The following SH3BGRL2 variants were observed in gnomAD, a reference collection of about 807,000 sequenced individuals.
The protein encoded by SH3BGRL2 is SH3 domain-binding glutamic acid-rich-like protein 2.
SH3BGRL2 carries 21 observed loss-of-function variants against 14.8 expected under a neutral mutation model. The observed-to-expected ratio is 1.42, with a 90% CI of 1.01 to 2.05. The LOEUF (loss-of-function observed/expected upper bound fraction) is 2.05. Among genes scored for constraint, SH3BGRL2 ranks in the 30% most tolerant of loss-of-function variants. SH3BGRL2 has a pLI of 0.00. For synonymous variants in SH3BGRL2, 50 were observed against 47.8 expected (o/e 1.05, Z -0.19); for missense variants, 147 against 130.8 (o/e 1.12, Z -0.61).
rs1770478536 is a variant in SH3BGRL2 at position 79,702,361 on chromosome 6, T to C, written c.*2852T>C. On this transcript the variant is annotated 3_prime_UTR_variant, in exon 4 of 4. Coordinates refer to ENST00000369838, the MANE Select transcript of SH3BGRL2 (RefSeq NM_031469.4). ...GCTTTTTCTAGAGATACTTTTCATT[T>C]AACAGCTTTTGTTAAGTGTCAGGCT... The C allele has an allele frequency of 6.6e-6, 1 of 152,660 alleles. No individual in the cohort carries two copies. The highest frequency in any genetic ancestry group is 2.1e-4 in the South Asian group (1 of 4,836). The allele number at this position is 152,660 out of a possible 1,614,324, so 9.5% of individuals were successfully genotyped here.
At chr6:79,638,708 A>AT (rs983903753) in intron 1 of SH3BGRL2, among the ~76,000 whole-genome samples, 5 of 151,976 alleles carry the variant, frequency 3.3e-5, no homozygotes, top group South Asian at 4.2e-4. Flanking sequence ...GATGTTAAGA[A>AT]TTTTTTTTAT....
At chr6:79,605,362 A>C in the SH3BGRL2 span, among the ~76,000 whole-genome samples, 1 of 152,174 alleles carries the variant, frequency 6.6e-6, no homozygotes. Flanking sequence ...AATTGTGAGG[A>C]AAAAAAATTA....
At chr6:79,624,196 T>A in the SH3BGRL2 span, among the ~76,000 whole-genome samples, 6 of 151,662 alleles carry the variant, frequency 4.0e-5, no homozygotes, top group Non-Finnish European at 7.4e-5. Flanking sequence ...GAATCTTTAT[T>A]TTATTATAGT....
chr6:79,675,917 T>G (rs1769872601), intron 2 of SH3BGRL2, among the ~76,000 whole-genome samples: 2 of 152,178 alleles, frequency 1.3e-5, no homozygotes, highest in African/African-American at 2.4e-5. Context: ...TGTATGTTCA[T>G]CCTCGTCTTT....
At position 79,699,716 on chromosome 6, in the gene SH3BGRL2, T is replaced by TC; in HGVS notation, c.*208dup. The TC allele has an allele frequency of 1.6e-6, 1 of 624,036 alleles. No homozygotes were observed. Among genetic ancestry groups the TC allele is most frequent in the Non-Finnish European group, 2.4e-6 (1 of 409,516 alleles). 38.7% of individuals were successfully genotyped at this position (624,036 alleles called of 1,614,324 possible). A position where few individuals can be genotyped will look rare whatever the true frequency, so the allele number is the denominator to read the frequency against. ...CAAATCAGGTGGTGGATTTTTTTTT[T>TC]CTTATTCTATTTGCCTGCAGTTGCC... On this transcript the variant is annotated 3_prime_UTR_variant, in exon 4 of 4. Coordinates refer to ENST00000369838, the MANE Select transcript of SH3BGRL2 (RefSeq NM_031469.4).
chr6:79,587,034 C>CA, the SH3BGRL2 span, among the ~76,000 whole-genome samples: 1 of 152,132 alleles, frequency 6.6e-6, no homozygotes. Context: ...TCTAGACCCC[C>CA]AGGTGGTCCT....
the SH3BGRL2 span, among the ~76,000 whole-genome samples, chr6:79,580,164 T>C: frequency 6.6e-6 from 1 of 152,174 alleles, no homozygotes; most frequent in African/African-American, 2.4e-5. Flanking sequence ...CTTAGAGACC[T>C]ACAAAGAGAC....
the SH3BGRL2 span, among the ~76,000 whole-genome samples, chr6:79,576,414 G>A: frequency 2.0e-5 from 3 of 151,990 alleles, no homozygotes; most frequent in South Asian, 6.2e-4. Context: ...CATTATTCTT[G>A]TATGGTAATC....
At chr6:79,654,397 A>G (rs1293392485) in intron 1 of SH3BGRL2, among the ~76,000 whole-genome samples, 1 of 152,196 alleles carries the variant, frequency 6.6e-6, no homozygotes, top group Non-Finnish European at 1.5e-5. Flanking sequence ...CAATATGTGC[A>G]TTGTAGCTCA....
chr6:79,599,635 T>C, the SH3BGRL2 span, among the ~76,000 whole-genome samples: 1 of 152,174 alleles, frequency 6.6e-6, no homozygotes, highest in Non-Finnish European at 1.5e-5. Flanking sequence ...GCTCTTTTAA[T>C]TACAGCAAAA....
chr6:79,614,298 C>A, the SH3BGRL2 span, among the ~76,000 whole-genome samples: 1 of 152,272 alleles, frequency 6.6e-6, no homozygotes, highest in East Asian at 1.9e-4. Context: ...TTTTTAGATT[C>A]TCCTGGGTTT....
chr6:79,580,119 C>A, the SH3BGRL2 span, among the ~76,000 whole-genome samples: 3 of 152,308 alleles, frequency 2.0e-5, no homozygotes, highest in South Asian at 6.2e-4. Flanking sequence ...ATATATGCAG[C>A]CGATACAGGA....
At chr6:79,571,433 C>CT in the SH3BGRL2 span, among the ~76,000 whole-genome samples, 2 of 152,134 alleles carry the variant, frequency 1.3e-5, no homozygotes, top group Non-Finnish European at 1.5e-5. Context: ...TTCTGCTTTG[C>CT]TTTGTTTGTC....
At chr6:79,611,800 C>A in the SH3BGRL2 span, among the ~76,000 whole-genome samples, 23,647 of 152,182 alleles carry the variant, frequency 0.16, 2,075 homozygotes, top group South Asian at 0.22. Context: ...AACAACTCAG[C>A]CATTTACTAG....
intron 3 of SH3BGRL2, among the ~76,000 whole-genome samples, chr6:79,698,920 T>C (rs1162905787): frequency 6.6e-6 from 1 of 152,104 alleles, no homozygotes; most frequent in Non-Finnish European, 1.5e-5. Context: ...TCATAGAAGA[T>C]TGTACTTTCA....
At chr6:79,566,707 G>A in the SH3BGRL2 span, among the ~76,000 whole-genome samples, 1 of 151,976 alleles carries the variant, frequency 6.6e-6, no homozygotes, top group Admixed American at 6.6e-5. Flanking sequence ...CACTTTGGGA[G>A]GCACTTTGGG....
chr6:79,652,453 T>C (rs184794132), intron 1 of SH3BGRL2, among the ~76,000 whole-genome samples: 151 of 152,278 alleles, frequency 9.9e-4, no homozygotes, highest in African/African-American at 3.5e-3. Flanking sequence ...GGAACATTAG[T>C]ATAAGAACGA....
chr6:79,642,087 A>G (rs1409491447), intron 1 of SH3BGRL2, among the ~76,000 whole-genome samples: 1 of 152,156 alleles, frequency 6.6e-6, no homozygotes, highest in Non-Finnish European at 1.5e-5. Context: ...ATTCTTTGCT[A>G]TACATAATAC....
Position 79,667,737 on chromosome 6 carries a change from G to T in SH3BGRL2, c.46-5877G>T, listed in dbSNP as rs182834197. Among the ~76,000 whole-genome samples the T allele has an allele frequency of 2.1e-4, 32 of 152,172 alleles. 1 individual carries two copies. The East Asian group carries it at 6.0e-3, about 29-fold the overall frequency. Reference sequence around the variant, plus strand: ...GCTGGGATTACAGGCGTGAGCCACCGCTCCTGGCCTTAGGCTAAACTTAAT... The same window carrying T: ...GCTGGGATTACAGGCGTGAGCCACCTCTCCTGGCCTTAGGCTAAACTTAAT... On this transcript the variant is annotated intron_variant, in intron 1 of 3. Transcript: ENST00000369838.
Sources: allele counts gnomAD v4.1 joint callset (sites outside exome capture counted in the v4.1 genomes callset), GRCh38; gene constraint gnomAD v4.1.1; transcripts MANE v1.5; gene names NCBI Gene and HGNC (gene_info 2026-07-23, HGNC 2026-07-21).